Variants in MFHAS1 observed in about 807,000 individuals in gnomAD.
The protein encoded by MFHAS1 is malignant fibrous histiocytoma-amplified sequence 1.
A neutral mutation model predicts 70.4 loss-of-function variants in MFHAS1; 50 were observed. The observed-to-expected ratio is 0.71, with a 90% CI of 0.57 to 0.90. The LOEUF (loss-of-function observed/expected upper bound fraction) is 0.90. Ranked by LOEUF, MFHAS1 falls within the 40% of genes least tolerant of loss-of-function variation. MFHAS1 has a pLI of 0.00. For synonymous variants in MFHAS1, 952 were observed against 620.0 expected, an observed-to-expected ratio of 1.54 and a Z score of -7.96; for missense variants, 1,795 against 1,347.6, an observed-to-expected ratio of 1.33 and a Z score of -5.20.
At position 8,813,265 on chromosome 8, in the gene MFHAS1, G is replaced by C. The variant is rs933465194; in HGVS notation, c.2999-15774C>G. Among the ~76,000 whole-genome samples the C allele has an allele frequency of 3.3e-5, 5 of 152,090 alleles. No individual in the cohort carries two copies. In the South Asian group the frequency reaches 6.2e-4, roughly 19 times the overall value. ...ATGCTAGCACATACAATTATGTACA[G>C]TATATAATAACAAACGACTATGTTA... On this transcript the variant is annotated intron_variant, in intron 1 of 2. Coordinates refer to ENST00000276282, the MANE Select transcript of MFHAS1 (RefSeq NM_004225.3).
rs1585011974 is a variant in MFHAS1 at position 8,784,506 on chromosome 8, T to C, written c.*1516A>G. ...CAGGTTCTGGAGTCAGTGAAATTAATGCCTGGGGCACAAAATATTCTACAA... is the reference window on the plus strand; with the variant it reads ...CAGGTTCTGGAGTCAGTGAAATTAACGCCTGGGGCACAAAATATTCTACAA... On this transcript the variant is annotated 3_prime_UTR_variant, in exon 3 of 3. Coordinates refer to ENST00000276282, the MANE Select transcript of MFHAS1 (RefSeq NM_004225.3). 1 of 152,262 alleles carries C rather than the reference T, an allele frequency of 6.6e-6. No individual in the cohort carries two copies. Among genetic ancestry groups the C allele is most frequent in the African/African-American group, 2.4e-5 (1 of 41,476 alleles). 9.4% of individuals were successfully genotyped at this position (152,262 alleles called of 1,614,324 possible). A position where few individuals can be genotyped will look rare whatever the true frequency, so the allele number is the denominator to read the frequency against.
In MFHAS1 at chr8:8,796,969, C is replaced by A. The variant is rs994031974; in HGVS notation, c.3125+396G>T. Among the ~76,000 whole-genome samples the A allele has an allele frequency of 6.6e-5, 10 of 152,068 alleles. 1 individual carries two copies. Among genetic ancestry groups the A allele is most frequent in the African/African-American group, 2.4e-4 (10 of 41,410 alleles). On this transcript the variant is annotated intron_variant, in intron 2 of 2. Transcript: ENST00000276282. ...CGAGATCGCACCACTGCACTCCAGC[C>A]TGGGTGACAGAGCGAGACTCCATCT...
At chr8:8,875,602 T>C (rs1011454555) in intron 1 of MFHAS1, among the ~76,000 whole-genome samples, 1 of 152,170 alleles carries the variant, frequency 6.6e-6, no homozygotes, top group Non-Finnish European at 1.5e-5. Context: ...AAATTTTTTA[T>C]GTTTTTTTGA....
chr8:8,826,247 A>AGTGAGT (rs1554480371), intron 1 of MFHAS1, among the ~76,000 whole-genome samples: 3 of 147,774 alleles, frequency 2.0e-5, no homozygotes, highest in Admixed American at 2.0e-4. Flanking sequence ...AAACACAAAG[A>AGTGAGT]GTGTGTGTGT....
intron 1 of MFHAS1, among the ~76,000 whole-genome samples, chr8:8,871,757 C>T (rs574293765): frequency 4.6e-5 from 7 of 152,226 alleles, no homozygotes; most frequent in Non-Finnish European, 1.0e-4. Flanking sequence ...GATTTAATTA[C>T]ATCCAAGGCT....
intron 1 of MFHAS1, among the ~76,000 whole-genome samples, chr8:8,839,660 C>G (rs896292711): frequency 6.6e-6 from 1 of 152,228 alleles, no homozygotes; most frequent in African/African-American, 2.4e-5. Context: ...CACCAAGCCA[C>G]TCTCAATAAA....
intron 1 of MFHAS1, 25 bp downstream of exon 1, chr8:8,890,036 A>G (rs1445029271): frequency 1.9e-6 from 3 of 1,539,416 alleles, no homozygotes; most frequent in Middle Eastern, 1.7e-4. Context: ...ATACCACAGA[A>G]GAACTTCTCC....
intron 1 of MFHAS1, among the ~76,000 whole-genome samples, chr8:8,833,687 T>A (rs4840369): frequency 0.34 from 51,396 of 152,042 alleles, 9,041 homozygotes; most frequent in Non-Finnish European, 0.39. Context: ...ACTTTCCATA[T>A]GACCTAGCAA....
intron 1 of MFHAS1, among the ~76,000 whole-genome samples, chr8:8,883,706 T>TAAAAAAAAA (rs1563219802): frequency 1.1e-4 from 4 of 35,706 alleles, no homozygotes; most frequent in African/African-American, 7.4e-4. Context: ...AGACTCAGTC[T>TAAAAAAAAA]CAAAAAAAAA....
Position 8,783,769 on chromosome 8 carries a change from C to G in MFHAS1, c.*2253G>C, listed in dbSNP as rs1805441620. On this transcript the variant is annotated 3_prime_UTR_variant, in exon 3 of 3. Coordinates refer to ENST00000276282, the MANE Select transcript of MFHAS1 (RefSeq NM_004225.3). ...GCCTCGGTGGGCTGCTGTGTCTTTCCAGGTGCTGAAAGAGAAAACGGAATT... is the reference window on the plus strand; with the variant it reads ...GCCTCGGTGGGCTGCTGTGTCTTTCGAGGTGCTGAAAGAGAAAACGGAATT... 1 of 151,906 alleles carries G rather than the reference C, an allele frequency of 6.6e-6. No individual in the cohort carries two copies. The highest frequency in any genetic ancestry group is 1.5e-5 in the Non-Finnish European group (1 of 67,986). 9.4% of individuals were successfully genotyped at this position (151,906 alleles called of 1,614,324 possible). A position where few individuals can be genotyped will look rare whatever the true frequency, so the allele number is the denominator to read the frequency against.
intron 1 of MFHAS1, among the ~76,000 whole-genome samples, chr8:8,844,888 G>A (rs564972316): frequency 1.9e-4 from 29 of 152,314 alleles, no homozygotes; most frequent in Admixed American, 1.5e-3. Context: ...GGTCAGTGAG[G>A]TTGTTGCTGT....
At chr8:8,869,832 G>C (rs575095452) in intron 1 of MFHAS1, among the ~76,000 whole-genome samples, 2 of 152,176 alleles carry the variant, frequency 1.3e-5, no homozygotes, top group South Asian at 2.1e-4. Flanking sequence ...GCTAGGAGGA[G>C]AGAGGCCCAG....
At chr8:8,841,493 T>C (rs574370467) in intron 1 of MFHAS1, among the ~76,000 whole-genome samples, 1 of 152,186 alleles carries the variant, frequency 6.6e-6, no homozygotes, top group Non-Finnish European at 1.5e-5. Flanking sequence ...CTTCTTTTTG[T>C]TGTTTGCTGG....
intron 1 of MFHAS1, among the ~76,000 whole-genome samples, chr8:8,801,168 T>TTGCAG (rs1563180029): frequency 6.6e-6 from 1 of 151,752 alleles, no homozygotes; most frequent in Non-Finnish European, 1.5e-5. Context: ...TGACCCAAGA[T>TTGCAG]TGAGACACTG....
intron 1 of MFHAS1, among the ~76,000 whole-genome samples, chr8:8,827,357 G>A (rs1402963307): frequency 1.3e-5 from 2 of 152,198 alleles, no homozygotes; most frequent in South Asian, 2.1e-4. Flanking sequence ...TAAGGATATT[G>A]TAGAAATGCC....
At chr8:8,856,508 A>G (rs192718775) in intron 1 of MFHAS1, among the ~76,000 whole-genome samples, 2 of 152,348 alleles carry the variant, frequency 1.3e-5, no homozygotes, top group African/African-American at 4.8e-5. Flanking sequence ...ATTGCCAAAC[A>G]TATCAGGTGA....
chr8:8,819,591 A>G (rs185672058), intron 1 of MFHAS1, among the ~76,000 whole-genome samples: 246 of 148,108 alleles, frequency 1.7e-3, no homozygotes, highest in African/African-American at 5.7e-3. Context: ...GCGACAGAGC[A>G]AGACTCCAAC....
At chr8:8,879,856 T>G (rs1019335736) in intron 1 of MFHAS1, among the ~76,000 whole-genome samples, 1 of 152,212 alleles carries the variant, frequency 6.6e-6, no homozygotes, top group Non-Finnish European at 1.5e-5. Context: ...TTATCTAATC[T>G]GGTAATCATC....
chr8:8,887,867 A>AC (rs1563221851), intron 1 of MFHAS1, among the ~76,000 whole-genome samples: 1 of 147,584 alleles, frequency 6.8e-6, no homozygotes, highest in Admixed American at 6.7e-5. Flanking sequence ...AACAAAAAAA[A>AC]AAAAAAAAAA....
Sources: gnomAD v4.1 joint callset for allele counts (sites outside exome capture counted in the v4.1 genomes callset) on GRCh38, gnomAD v4.1.1 for gene constraint, MANE v1.5 for transcripts, NCBI Gene and HGNC (gene_info 2026-07-23, HGNC 2026-07-21) for gene names.